CTNNA3: variants seen among roughly 807,000 people sequenced by gnomAD.
The protein encoded by CTNNA3 is catenin alpha 3.
Under a neutral mutation model 95.7 loss-of-function variants are expected in CTNNA3, and 76 were observed. That is an observed-to-expected ratio of 0.79 (90% CI 0.66 to 0.96). The LOEUF is 0.96. Ranked by LOEUF, CTNNA3 falls within the 40% of genes least tolerant of loss-of-function variation. The probability of loss-of-function intolerance (pLI) is 0.00; values close to 1 mark genes in which losing one functional copy is unlikely to be tolerated. For missense variants in CTNNA3, 1,191 were observed against 1,089.8 expected (o/e 1.09, Z -1.31); for synonymous variants, 431 against 374.4 (o/e 1.15, Z -1.74).
At chr10:66,199,737 G>A (rs1367895322) in intron 13 of CTNNA3, among the ~76,000 whole-genome samples, 2 of 126,690 alleles carry the variant, frequency 1.6e-5, no homozygotes, top group African/African-American at 3.2e-5. Context: ...GATTAGCTGG[G>A]ATTACAGGCG....
intron 3 of CTNNA3, among the ~76,000 whole-genome samples, chr10:67,550,835 G>A (rs923131726): frequency 1.3e-5 from 2 of 152,076 alleles, no homozygotes; most frequent in Admixed American, 6.6e-5. Flanking sequence ...ATATATTTTA[G>A]TGTGAAGATT....
chr10:67,119,926 T>C (rs566585428), intron 7 of CTNNA3, among the ~76,000 whole-genome samples: 1 of 151,976 alleles, frequency 6.6e-6, no homozygotes, highest in African/African-American at 2.4e-5. Context: ...GCAGGCAGAA[T>C]CCACCACTGC....
At chr10:66,062,206 TTA>T (rs2080215728) in intron 15 of CTNNA3, among the ~76,000 whole-genome samples, 1 of 152,200 alleles carries the variant, frequency 6.6e-6, no homozygotes, top group Admixed American at 6.6e-5. Flanking sequence ...TTAGCTATCA[TTA>T]TGTCTTTTAT....
chr10:67,337,886 T>C (rs1317246791), intron 5 of CTNNA3, among the ~76,000 whole-genome samples: 1 of 152,202 alleles, frequency 6.6e-6, no homozygotes, highest in Non-Finnish European at 1.5e-5. Context: ...TGGGCTACAG[T>C]ATAGTATAAA....
intron 7 of CTNNA3, among the ~76,000 whole-genome samples, chr10:67,025,809 G>A (rs1853334662): frequency 6.6e-6 from 1 of 151,724 alleles, no homozygotes; most frequent in African/African-American, 2.4e-5. Context: ...ACATGCACAC[G>A]TATGATTATT....
chr10:66,553,402 A>T (rs984690426), intron 10 of CTNNA3, among the ~76,000 whole-genome samples: 1 of 136,942 alleles, frequency 7.3e-6, no homozygotes, highest in African/African-American at 2.8e-5. Context: ...TTATTGTTGT[A>T]CATTGTTTTC....
At chr10:66,759,954 T>C (rs1242607634) in intron 9 of CTNNA3, among the ~76,000 whole-genome samples, 2 of 152,132 alleles carry the variant, frequency 1.3e-5, no homozygotes, top group African/African-American at 2.4e-5. Context: ...AAACTATACA[T>C]GTAATTTCTT....
chr10:66,893,333 T>TGATC (rs1845345319), intron 7 of CTNNA3, among the ~76,000 whole-genome samples: 1 of 152,080 alleles, frequency 6.6e-6, no homozygotes, highest in Non-Finnish European at 1.5e-5. Context: ...AACTAACAAG[T>TGATC]GATCCCCAGA....
At chr10:66,981,628 A>T (rs1293847859) in intron 7 of CTNNA3, among the ~76,000 whole-genome samples, 1 of 152,254 alleles carries the variant, frequency 6.6e-6, no homozygotes, top group Non-Finnish European at 1.5e-5. Context: ...GTTAATTTTT[A>T]GTACAATATT....
chr10:67,285,299 A>G (rs980447990), intron 5 of CTNNA3, among the ~76,000 whole-genome samples: 4 of 152,172 alleles, frequency 2.6e-5, no homozygotes, highest in Non-Finnish European at 5.9e-5. Flanking sequence ...AGAGCTAGCT[A>G]TGGGCCCCTA....
chr10:66,262,526 C>A (rs562251546), intron 13 of CTNNA3, among the ~76,000 whole-genome samples: 44 of 151,882 alleles, frequency 2.9e-4, no homozygotes, highest in Non-Finnish European at 5.6e-4. Flanking sequence ...TAATGTATGA[C>A]TTATTGTAAA....
At chr10:67,251,539 A>T (rs1472569148) in intron 5 of CTNNA3, among the ~76,000 whole-genome samples, 6 of 152,224 alleles carry the variant, frequency 3.9e-5, no homozygotes, top group South Asian at 2.1e-4. Context: ...TACATATGTC[A>T]TCAGAAAGAG....
At chr10:67,560,457 A>C (rs1841464108) in intron 3 of CTNNA3, among the ~76,000 whole-genome samples, 1 of 152,218 alleles carries the variant, frequency 6.6e-6, no homozygotes, top group African/African-American at 2.4e-5. Flanking sequence ...TGTCACCAAC[A>C]GGCCTGCCCT....
intron 7 of CTNNA3, among the ~76,000 whole-genome samples, chr10:67,005,618 C>A (rs926853325): frequency 1.7e-4 from 24 of 144,586 alleles, no homozygotes; most frequent in African/African-American, 5.5e-4. Context: ...GGTCTCAAAT[C>A]GCAATTAATC....
At chr10:66,046,688 T>C (rs1372282897) in intron 15 of CTNNA3, among the ~76,000 whole-genome samples, 2 of 151,908 alleles carry the variant, frequency 1.3e-5, no homozygotes, top group African/African-American at 2.4e-5. Context: ...AATTGGTTTT[T>C]TGAAAAAAAT....
At chr10:66,684,720 G>C (rs4369292) in intron 9 of CTNNA3, among the ~76,000 whole-genome samples, 1 of 151,720 alleles carries the variant, frequency 6.6e-6, no homozygotes, top group South Asian at 2.1e-4. Flanking sequence ...TTCTCTCTTA[G>C]GAATGTTACT....
intron 10 of CTNNA3, among the ~76,000 whole-genome samples, chr10:66,607,790 A>C (rs1844182158): frequency 6.6e-6 from 1 of 152,132 alleles, no homozygotes. Flanking sequence ...GTATTGAGAA[A>C]ACATACTTCA....
intron 12 of CTNNA3, among the ~76,000 whole-genome samples, chr10:66,305,911 G>A (rs1443905907): frequency 6.6e-6 from 1 of 152,074 alleles, no homozygotes; most frequent in African/African-American, 2.4e-5. Flanking sequence ...GATTATTCTG[G>A]TCTATAAATC....
chr10:66,324,010 C>G (rs1158118486), intron 12 of CTNNA3, among the ~76,000 whole-genome samples: 3 of 152,066 alleles, frequency 2.0e-5, no homozygotes. Flanking sequence ...TCTGGCTCCC[C>G]ATCCATTCCA....
Sources: allele counts gnomAD v4.1 joint callset (sites outside exome capture counted in the v4.1 genomes callset), GRCh38; gene constraint gnomAD v4.1.1; transcripts MANE v1.5; gene names NCBI Gene and HGNC (gene_info 2026-07-23, HGNC 2026-07-21).